Variants in NTN1 observed in about 807,000 individuals in gnomAD.
NTN1 encodes netrin 1, also known as netrin-1.
A neutral mutation model predicts 54.2 loss-of-function variants in NTN1; 11 were observed. The ratio of observed to expected loss-of-function variants is 0.20; its 90% CI spans 0.13 to 0.34. The LOEUF is 0.34. Among genes scored for constraint, NTN1 ranks in the 10% least tolerant of loss-of-function variants. The pLI is 1.00. For synonymous variants in NTN1, 371 were observed against 382.0 expected, an observed-to-expected ratio of 0.97 and a Z score of 0.33; for missense variants, 740 against 893.1, an observed-to-expected ratio of 0.83 and a Z score of 2.18.
At chr17:9,133,770 T>TTTG (rs2092272864) in intron 2 of NTN1, among the ~76,000 whole-genome samples, 1 of 146,926 alleles carries the variant, frequency 6.8e-6, no homozygotes, top group African/African-American at 2.5e-5. Flanking sequence ...TTTTTTTTTT[T>TTTG]TTTTGTATTT....
chr17:9,117,860 A>T (rs781327352), intron 2 of NTN1, among the ~76,000 whole-genome samples: 1 of 151,478 alleles, frequency 6.6e-6, no homozygotes, highest in Non-Finnish European at 1.5e-5. Flanking sequence ...CAGATTCCAC[A>T]GTAGGAAAAA....
chr17:9,193,791 G>A (rs1382033261), intron 5 of NTN1, among the ~76,000 whole-genome samples: 6 of 150,934 alleles, frequency 4.0e-5, no homozygotes, highest in Non-Finnish European at 8.9e-5. Flanking sequence ...GCATGGTGGC[G>A]CATGCCTGTA....
At chr17:9,137,519 A>G (rs1334089814) in intron 2 of NTN1, among the ~76,000 whole-genome samples, 1 of 152,192 alleles carries the variant, frequency 6.6e-6, no homozygotes, top group East Asian at 1.9e-4. Flanking sequence ...GCGGCCTGGC[A>G]CAATGGCTCA....
Position 9,162,799 on chromosome 17 carries a change from G to A in NTN1, c.1019-14G>A. The A allele has an allele frequency of 6.3e-7, 1 of 1,598,050 alleles. No individual in the cohort carries two copies. On this transcript the variant is annotated splice_polypyrimidine_tract_variant and intron_variant, in intron 2 of 6. Transcript: ENST00000173229. ...GCCCCTGCGGCTGACACCTCTCTCT[G>A]TCTCCCCCTGCAGCCTGTAACTGCA...
chr17:9,154,566 C>G (rs2092336218), intron 2 of NTN1, among the ~76,000 whole-genome samples: 1 of 152,102 alleles, frequency 6.6e-6, no homozygotes, highest in South Asian at 2.1e-4. Context: ...CAGAATGATC[C>G]CCAGGTGTGG....
chr17:9,073,678 G>T (rs956889218), intron 2 of NTN1, among the ~76,000 whole-genome samples: 2 of 152,158 alleles, frequency 1.3e-5, no homozygotes, highest in African/African-American at 4.8e-5. Flanking sequence ...GCAAACATTT[G>T]CCCTCTTACA....
chr17:9,203,709 A>C (rs1189153531), intron 5 of NTN1, among the ~76,000 whole-genome samples: 1 of 152,256 alleles, frequency 6.6e-6, no homozygotes, highest in Non-Finnish European at 1.5e-5. Flanking sequence ...AGGATGAGGC[A>C]GGAGAATCAC....
At chr17:9,175,112 T>C (rs977932772) in intron 3 of NTN1, 3 of 152,222 alleles carry the variant, frequency 2.0e-5, no homozygotes, top group African/African-American at 7.2e-5. Context: ...TAGTATGTGC[T>C]TCAGTGGAAA....
At chr17:9,167,994 C>T (rs974206533) in intron 3 of NTN1, among the ~76,000 whole-genome samples, 2 of 151,972 alleles carry the variant, frequency 1.3e-5, no homozygotes, top group African/African-American at 4.8e-5. Context: ...GGTCCAGATG[C>T]GATCTGGGCA....
intron 2 of NTN1, among the ~76,000 whole-genome samples, chr17:9,051,222 A>G (rs79684808): frequency 8.5e-5 from 13 of 152,188 alleles, no homozygotes; most frequent in African/African-American, 3.1e-4. Flanking sequence ...AGAAGGCTCA[A>G]CCTGGCCAGT....
At chr17:9,224,999 A>G (rs963019425) in intron 6 of NTN1, among the ~76,000 whole-genome samples, 2 of 152,124 alleles carry the variant, frequency 1.3e-5, no homozygotes, top group African/African-American at 4.8e-5. Context: ...TCTTGTGGTC[A>G]CTTAAAAGTT....
Position 9,212,696 on chromosome 17 carries a change from C to A in NTN1, c.1412-8472C>A, listed in dbSNP as rs573212734. On this transcript the variant is annotated intron_variant, in intron 5 of 6. Coordinates refer to ENST00000173229, the MANE Select transcript of NTN1 (RefSeq NM_004822.3). The surrounding 1 kb of genome is among the most constrained non-coding windows in gnomAD (Gnocchi z 5.5). ...CCCAACCCTTCCAGGTTTCTCTGCC[C>A]GGGGAGGACAGACCATGTTGGCTGG... is the stretch of plus-strand genomic sequence containing the variant. Among the ~76,000 whole-genome samples the A allele has an allele frequency of 2.6e-5, 4 of 152,192 alleles. No homozygotes were observed. Among genetic ancestry groups the A allele is most frequent in the African/African-American group, 9.7e-5 (4 of 41,448 alleles).
At chr17:9,184,327 G>C (rs1447176075) in intron 5 of NTN1, among the ~76,000 whole-genome samples, 1 of 152,216 alleles carries the variant, frequency 6.6e-6, no homozygotes, top group Non-Finnish European at 1.5e-5. Flanking sequence ...AAATGGCGAA[G>C]AGAAGGGATT....
chr17:9,009,391 C>A, the NTN1 span, among the ~76,000 whole-genome samples: 258 of 152,340 alleles, frequency 1.7e-3, 3 homozygotes, highest in African/African-American at 6.0e-3. Flanking sequence ...TCCTTCCCAC[C>A]TTCTGCGTAG....
At chr17:9,237,855 C>T (rs1906043349) in intron 6 of NTN1, among the ~76,000 whole-genome samples, 1 of 152,142 alleles carries the variant, frequency 6.6e-6, no homozygotes, top group Non-Finnish European at 1.5e-5. Context: ...GCTCCCCCCA[C>T]CCAGAGTTCA....
At chr17:9,064,488 A>G (rs935205004) in intron 2 of NTN1, among the ~76,000 whole-genome samples, 2 of 152,084 alleles carry the variant, frequency 1.3e-5, no homozygotes, top group Admixed American at 6.5e-5. Context: ...CTCAGGCCAG[A>G]TACCTAGGAG....
intron 2 of NTN1, among the ~76,000 whole-genome samples, chr17:9,075,722 G>A (rs2092047167): frequency 6.6e-6 from 1 of 152,186 alleles, no homozygotes; most frequent in Non-Finnish European, 1.5e-5. Flanking sequence ...TCAGACTAGG[G>A]ATGTGTGTGT....
chr17:9,155,587 C>T (rs988785139), intron 2 of NTN1, among the ~76,000 whole-genome samples: 14 of 152,026 alleles, frequency 9.2e-5, no homozygotes, highest in African/African-American at 3.4e-4. Flanking sequence ...GTGATCCGCC[C>T]GTCTCGGCCT....
chr17:9,064,441 C>T (rs1357203589), intron 2 of NTN1, among the ~76,000 whole-genome samples: 3 of 152,204 alleles, frequency 2.0e-5, no homozygotes, highest in Non-Finnish European at 2.9e-5. Flanking sequence ...CCCCATTTCT[C>T]ACTTCTGCGT....
Sources: allele counts gnomAD v4.1 joint callset (sites outside exome capture counted in the v4.1 genomes callset), GRCh38; gene constraint gnomAD v4.1.1; non-coding constraint Gnocchi (gnomAD v3.1); transcripts MANE v1.5; gene names NCBI Gene and HGNC (gene_info 2026-07-23, HGNC 2026-07-21).